The following PALS1 variants were observed in gnomAD, a reference collection of about 807,000 sequenced individuals.
The protein encoded by PALS1 is protein PALS1.
PALS1 carries 31 observed loss-of-function variants against 78.9 expected under a neutral mutation model. That is an observed-to-expected ratio of 0.39 (90% CI 0.30 to 0.53). PALS1 has a LOEUF of 0.53. Among genes scored for constraint, PALS1 ranks in the 20% least tolerant of loss-of-function variants. The probability of loss-of-function intolerance (pLI) is 0.67; values close to 1 mark genes in which losing one functional copy is unlikely to be tolerated. For missense variants in PALS1, 704 were observed against 826.5 expected, an observed-to-expected ratio of 0.85 and a Z score of 1.82; for synonymous variants, 276 against 270.9, an observed-to-expected ratio of 1.02 and a Z score of -0.18.
intron 8 of PALS1, among the ~76,000 whole-genome samples, chr14:67,307,453 A>G (rs1228342159): frequency 6.6e-6 from 1 of 152,224 alleles, no homozygotes; most frequent in East Asian, 1.9e-4. Context: ...CAGAAAATTA[A>G]CAGATTATTG....
intron 4 of PALS1, among the ~76,000 whole-genome samples, chr14:67,299,397 ACTTC>A (rs1334654405): frequency 2.0e-5 from 3 of 152,182 alleles, no homozygotes; most frequent in Non-Finnish European, 4.4e-5. Context: ...CCATTCTTTT[ACTTC>A]CTTCCTTTTG....
chr14:67,306,707 AAT>A (rs1337044838), intron 8 of PALS1, among the ~76,000 whole-genome samples: 2 of 152,108 alleles, frequency 1.3e-5, no homozygotes, highest in Non-Finnish European at 2.9e-5. Flanking sequence ...TCTCAATTGC[AAT>A]ATATCTTGCC....
At position 67,274,378 on chromosome 14, in the gene PALS1, G is replaced by A. The variant is rs202038494; in HGVS notation, c.-154+4595G>A. 7.2e-5 allele frequency among the ~76,000 whole-genome samples: 11 copies of A among 152,238 alleles called. No homozygotes were observed. In the East Asian group the frequency reaches 2.1e-3, roughly 29 times the overall value. On this transcript the variant is annotated intron_variant, in intron 2 of 14. Transcript: ENST00000261681. The stretch of plus-strand genomic sequence containing the variant: ...TTCCCAGCACCATTTATTAAATAGG[G>A]CATCCTTTCCCCATTTTTGTTTTTG...
intron 1 of PALS1, among the ~76,000 whole-genome samples, chr14:67,261,679 C>A (rs1234872521): frequency 6.6e-6 from 1 of 152,006 alleles, no homozygotes; most frequent in African/African-American, 2.4e-5. Flanking sequence ...ATGTTGGTAG[C>A]CTAGTATCAC....
Position 67,279,436 on chromosome 14 carries a change from A to C in PALS1, c.266A>C (p.Lys89Thr), listed in dbSNP as rs1350482238. The C allele has an allele frequency of 1.2e-6, 2 of 1,613,806 alleles. No homozygotes were observed. The highest frequency in any genetic ancestry group is 2.2e-5 in the South Asian group (2 of 91,014). ...CTTAATTCTTCCATGAGACTTAAGA[A>C]ACTAGCCCAAATTCCTCCAAAGACC... is the stretch of plus-strand genomic sequence containing the variant. The part of the protein sequence containing the change: ...LDLNSSMRLK[K>T]LAQIPPKTGI... Residue 89 changes from lysine to threonine, a missense_variant, in exon 3 of 15, where the codon AAA (lysine) becomes ACA (threonine). By Grantham distance (78) the Lys-to-Thr change is moderately conservative. Coordinates refer to ENST00000261681, the MANE Select transcript of PALS1 (RefSeq NM_022474.4).
chr14:67,242,670 A>G (rs2083922408), intron 1 of PALS1, among the ~76,000 whole-genome samples: 1 of 151,102 alleles, frequency 6.6e-6, no homozygotes, highest in Non-Finnish European at 1.5e-5. Context: ...GCTATTGTGG[A>G]TAGGTTTTAT....
intron 3 of PALS1, among the ~76,000 whole-genome samples, chr14:67,280,140 G>C (rs1400127104): frequency 6.6e-6 from 1 of 152,202 alleles, no homozygotes; most frequent in Non-Finnish European, 1.5e-5. Context: ...GGCTAAATAA[G>C]TTAAATAGCT....
At chr14:67,251,336 C>T (rs2084060060) in intron 1 of PALS1, among the ~76,000 whole-genome samples, 1 of 152,128 alleles carries the variant, frequency 6.6e-6, no homozygotes, top group South Asian at 2.1e-4. Flanking sequence ...AGTTTGAGAC[C>T]AACCTGGGCA....
chr14:67,293,489 A>G (rs2084802986), intron 4 of PALS1, among the ~76,000 whole-genome samples: 1 of 152,216 alleles, frequency 6.6e-6, no homozygotes, highest in South Asian at 2.1e-4. Context: ...TACAGAACCT[A>G]TAAAATAGGT....
chr14:67,269,454 T>G (rs925272528), intron 1 of PALS1, among the ~76,000 whole-genome samples: 2 of 152,128 alleles, frequency 1.3e-5, no homozygotes, highest in African/African-American at 2.4e-5. Flanking sequence ...CTGTTTCCAA[T>G]GTGTTATTGG....
In PALS1 at chr14:67,263,329, T is replaced by C. The variant is rs186346802; in HGVS notation, c.-236-6372T>C. On this transcript the variant is annotated intron_variant, in intron 1 of 14. Coordinates refer to ENST00000261681, the MANE Select transcript of PALS1 (RefSeq NM_022474.4). ...TATTCAGATTTGTAAAGGAAAATGG[T>C]GAAGTATGCAGTCCCCTTGTGCCCT... Among the ~76,000 whole-genome samples the C allele has an allele frequency of 3.3e-3, 497 of 152,250 alleles. 4 individuals carry two copies. The highest frequency in any genetic ancestry group is 0.012 in the African/African-American group (482 of 41,534).
At chr14:67,327,694 G>A (rs1173097188) in intron 14 of PALS1, among the ~76,000 whole-genome samples, 1 of 151,988 alleles carries the variant, frequency 6.6e-6, no homozygotes, top group South Asian at 2.1e-4. Flanking sequence ...CTGTGTCCTG[G>A]TGTTCTCATT....
chr14:67,299,415 A>G (rs2084901577), intron 4 of PALS1, among the ~76,000 whole-genome samples: 1 of 152,204 alleles, frequency 6.6e-6, no homozygotes, highest in Non-Finnish European at 1.5e-5. Flanking sequence ...CCTTTTGGTT[A>G]TCAATTTTCT....
intron 4 of PALS1, among the ~76,000 whole-genome samples, chr14:67,299,580 T>C (rs2084904115): frequency 6.6e-6 from 1 of 152,158 alleles, no homozygotes; most frequent in Non-Finnish European, 1.5e-5. Context: ...GATAAGGGAT[T>C]AGAGTATTTT....
At chr14:67,265,856 CAAA>C (rs748481179) in intron 1 of PALS1, among the ~76,000 whole-genome samples, 1 of 75,400 alleles carries the variant, frequency 1.3e-5, no homozygotes. Flanking sequence ...GACTCCATCT[CAAA>C]AAAAAAAAAA....
intron 10 of PALS1, 119 bp from the exon 11 acceptor site, chr14:67,317,289 C>G (rs1157408474): frequency 4.7e-6 from 4 of 855,306 alleles, no homozygotes; most frequent in Non-Finnish European, 7.1e-6. Context: ...ATATGGAGAT[C>G]TCGTTTCTGC....
chr14:67,257,060 G>A (rs28562402), intron 1 of PALS1, among the ~76,000 whole-genome samples: 24,588 of 151,914 alleles, frequency 0.16, 3,813 homozygotes, highest in East Asian at 0.43. Flanking sequence ...CAATATGTAC[G>A]TTGGTTTGAT....
At chr14:67,319,115 T>C (rs528850974) in intron 11 of PALS1, among the ~76,000 whole-genome samples, 1 of 151,976 alleles carries the variant, frequency 6.6e-6, no homozygotes, top group African/African-American at 2.4e-5. Flanking sequence ...TAACAACTAA[T>C]ACATGATTGG....
At chr14:67,293,932 A>G (rs906848708) in intron 4 of PALS1, among the ~76,000 whole-genome samples, 5 of 152,204 alleles carry the variant, frequency 3.3e-5, no homozygotes, top group Non-Finnish European at 7.4e-5. Context: ...CTCCAATTGA[A>G]AAAAGCTGAC....
Sources: gnomAD v4.1 joint callset for allele counts (sites outside exome capture counted in the v4.1 genomes callset) on GRCh38, gnomAD v4.1.1 for gene constraint, MANE v1.5 for transcripts, NCBI Gene and HGNC (gene_info 2026-07-23, HGNC 2026-07-21) for gene names.